The following LSM4 variants were observed in gnomAD, a reference collection of about 807,000 sequenced individuals.
LSM4 encodes the protein U6 snRNA-associated Sm-like protein LSm4.
LSM4 carries 15 observed loss-of-function variants against 22.3 expected under a neutral mutation model. The ratio of observed to expected loss-of-function variants is 0.67; its 90% CI spans 0.45 to 1.03. The LOEUF is 1.03. LSM4 is among the 50% of genes least tolerant of loss of function. The pLI is 0.00. For missense variants in LSM4, 127 were observed against 198.0 expected (o/e 0.64, Z 2.15); for synonymous variants, 90 against 79.8 (o/e 1.13, Z -0.68).
chr19:18,316,418 T>G (rs1392719794), intron 1 of LSM4, among the ~76,000 whole-genome samples: 1 of 147,302 alleles, frequency 6.8e-6, no homozygotes, highest in Admixed American at 7.0e-5. Context: ...CATGGCTCAC[T>G]GCAACCTCCA....
intron 2 of LSM4, among the ~76,000 whole-genome samples, 159 bp downstream of exon 2, chr19:18,315,865 G>A (rs1273629483): frequency 6.6e-6 from 1 of 152,008 alleles, no homozygotes; most frequent in African/African-American, 2.4e-5. Context: ...CTTACAAGCA[G>A]CAGAAATGAC....
rs1348281993 is a variant in LSM4 at position 18,311,427 on chromosome 19, G to A, written c.144+1177C>T. Among the ~76,000 whole-genome samples, 4 of 152,162 alleles carry A rather than the reference G, an allele frequency of 2.6e-5. No individual in the cohort carries two copies. In the East Asian group the frequency reaches 5.8e-4, roughly 22 times the overall value. ...GCAGGCTGCTCAGGGAAAGCCATCCGTCCACTCGAAGCTGGAGGCAGAGGC... is the reference window on the plus strand; with the variant it reads ...GCAGGCTGCTCAGGGAAAGCCATCCATCCACTCGAAGCTGGAGGCAGAGGC... On this transcript the variant is annotated intron_variant, in intron 3 of 4. Coordinates refer to ENST00000593829, the MANE Select transcript of LSM4 (RefSeq NM_012321.5).
intron 2 of LSM4, among the ~76,000 whole-genome samples, chr19:18,313,518 T>A (rs546778156): frequency 6.6e-6 from 1 of 152,338 alleles, no homozygotes; most frequent in South Asian, 2.1e-4. Context: ...AAGACTGATA[T>A]TTTTTGGTGT....
At chr19:18,318,088 T>C (rs1352547032) in intron 1 of LSM4, among the ~76,000 whole-genome samples, 1 of 152,170 alleles carries the variant, frequency 6.6e-6, no homozygotes, top group African/African-American at 2.4e-5. Flanking sequence ...AGGCTTCACC[T>C]AGCCCTGTCC....
At chr19:18,319,877 ACACT>A (rs1277067057) in intron 1 of LSM4, among the ~76,000 whole-genome samples, 2 of 152,188 alleles carry the variant, frequency 1.3e-5, no homozygotes, top group Non-Finnish European at 1.5e-5. Flanking sequence ...CTAGACTGGA[ACACT>A]CAAAGTGGGT....
intron 2 of LSM4, among the ~76,000 whole-genome samples, chr19:18,313,437 C>T (rs1012012543): frequency 1.3e-5 from 2 of 151,944 alleles, no homozygotes; most frequent in African/African-American, 4.9e-5. Context: ...AATAATTACT[C>T]ATCTATTTTG....
chr19:18,309,564 C>T (rs553832022), intron 4 of LSM4, 114 bp downstream of exon 4: 252 of 1,186,758 alleles, frequency 2.1e-4, no homozygotes, highest in Admixed American at 3.9e-4. Flanking sequence ...GAGGGGGGCC[C>T]GGGAGGGTTG....
chr19:18,322,059 C>G (rs2148148878), intron 1 of LSM4, among the ~76,000 whole-genome samples: 1 of 152,320 alleles, frequency 6.6e-6, no homozygotes, highest in East Asian at 1.9e-4. Flanking sequence ...ATAAATCTGT[C>G]TAGGAAGACA....
chr19:18,309,877 G>A lies in LSM4; in HGVS notation c.145-16C>T, dbSNP rs1438201696. The A allele has an allele frequency of 1.2e-6, 2 of 1,611,746 alleles. No individual in the cohort carries two copies. Among genetic ancestry groups the A allele is most frequent in the Non-Finnish European group, 1.7e-6 (2 of 1,179,222 alleles). On this transcript the variant is annotated splice_polypyrimidine_tract_variant and intron_variant, in intron 3 of 4. Transcript: ENST00000593829. ...TGTCCCCGTCCTGCGGAGAAGGGGA[G>A]CAGGTTATTAACTTACCACCGGGCC...
Position 18,311,791 on chromosome 19 carries a change from C to T in LSM4, c.144+813G>A, listed in dbSNP as rs865826009. ...CCTGTGCTGATGAGAGGCCCAGTCC[C>T]GGGTGGGGGTGGCGGTCAGGGCAAG... On this transcript the variant is annotated intron_variant, in intron 3 of 4. Transcript: ENST00000593829. Among the ~76,000 whole-genome samples the T allele has an allele frequency of 3.9e-5, 6 of 152,156 alleles. No individual in the cohort carries two copies. The South Asian group carries it at 6.2e-4, about 16-fold the overall frequency.
chr19:18,322,882 G>T, intron 1 of LSM4, 136 bp downstream of exon 1: 2 of 1,312,760 alleles, frequency 1.5e-6, no homozygotes, highest in Non-Finnish European at 2.1e-6. Context: ...TCCCAGCCTC[G>T]TGCCGGGGGG....
In LSM4 at chr19:18,316,077, A is replaced by AGGG; in HGVS notation, c.4-13_4-12insCCC. ...AGTGACAAGGGAAGCTGAAAGGCAA[A>AGGG]TAAAGCCACATGATTTGTCTGTTTG... On this transcript the variant is annotated splice_polypyrimidine_tract_variant and intron_variant, in intron 1 of 4. Coordinates refer to ENST00000593829, the MANE Select transcript of LSM4 (RefSeq NM_012321.5). 6.2e-7 allele frequency: 1 copy of AGGG among 1,613,488 alleles called. No homozygotes were observed. Among genetic ancestry groups the AGGG allele is most frequent in the Non-Finnish European group, 8.5e-7 (1 of 1,179,590 alleles).
intron 1 of LSM4, among the ~76,000 whole-genome samples, chr19:18,321,596 CAAAT>C (rs940285128): frequency 6.6e-6 from 1 of 152,198 alleles, no homozygotes; most frequent in Admixed American, 6.5e-5. Context: ...GTAGGACTAA[CAAAT>C]AAGCTACAAG....
intron 1 of LSM4, among the ~76,000 whole-genome samples, chr19:18,322,184 C>T (rs1287648970): frequency 6.6e-6 from 1 of 152,166 alleles, no homozygotes; most frequent in Admixed American, 6.5e-5. Context: ...GTTACTGAAT[C>T]TCCCACTGTC....
At chr19:18,320,278 TG>T (rs748176246) in intron 1 of LSM4, among the ~76,000 whole-genome samples, 7 of 151,990 alleles carry the variant, frequency 4.6e-5, no homozygotes, top group African/African-American at 7.3e-5. Flanking sequence ...GAGACTGAGG[TG>T]GGAGGATCGC....
At chr19:18,313,769 G>A (rs1008111224) in intron 2 of LSM4, among the ~76,000 whole-genome samples, 2 of 152,116 alleles carry the variant, frequency 1.3e-5, no homozygotes, top group African/African-American at 4.8e-5. Context: ...TCCTGTCTTG[G>A]CCTCCCGGGG....
intron 3 of LSM4, 134 bp downstream of exon 3, chr19:18,312,470 G>A: frequency 1.4e-6 from 1 of 722,192 alleles, no homozygotes; most frequent in Non-Finnish European, 2.4e-6. Flanking sequence ...TGTCCCTCCT[G>A]ACTGACCCCT....
intron 3 of LSM4, among the ~76,000 whole-genome samples, chr19:18,310,702 T>G (rs1398899886): frequency 6.6e-6 from 1 of 152,110 alleles, no homozygotes; most frequent in Non-Finnish European, 1.5e-5. Flanking sequence ...TTGCCCCCGA[T>G]GCCCTTTAAA....
At chr19:18,319,032 C>T (rs142332409) in intron 1 of LSM4, among the ~76,000 whole-genome samples, 88 of 152,314 alleles carry the variant, frequency 5.8e-4, no homozygotes, top group Middle Eastern at 3.4e-3. Context: ...CACCTGAGGT[C>T]AGGAGTTCCA....
Sources: allele counts gnomAD v4.1 joint callset (sites outside exome capture counted in the v4.1 genomes callset), GRCh38; gene constraint gnomAD v4.1.1; transcripts MANE v1.5; gene names NCBI Gene and HGNC (gene_info 2026-07-23, HGNC 2026-07-21).